ATF3: variants seen among roughly 807,000 people sequenced by gnomAD.
ATF3 encodes activating transcription factor 3.
A neutral mutation model predicts 18.4 loss-of-function variants in ATF3; 10 were observed. The ratio of observed to expected loss-of-function variants is 0.54; its 90% CI spans 0.34 to 0.92. The LOEUF is 0.92. Among genes scored for constraint, ATF3 ranks in the 40% least tolerant of loss-of-function variants. The pLI, the probability that ATF3 is intolerant of heterozygous loss-of-function variation, is 0.02. For missense variants in ATF3, 183 were observed against 222.3 expected, an observed-to-expected ratio of 0.82 and a Z score of 1.12; for synonymous variants, 78 against 87.9, an observed-to-expected ratio of 0.89 and a Z score of 0.63.
intron 1 of ATF3, among the ~76,000 whole-genome samples, chr1:212,595,678 C>T (rs1664979144): frequency 6.6e-6 from 1 of 152,172 alleles, no homozygotes; most frequent in Non-Finnish European, 1.5e-5. Context: ...AAGGTGCGTC[C>T]ACGGCTAGCC....
At chr1:212,587,985 C>A (rs1343109661) in intron 1 of ATF3, among the ~76,000 whole-genome samples, 4 of 152,030 alleles carry the variant, frequency 2.6e-5, no homozygotes, top group Non-Finnish European at 2.9e-5. Context: ...CCTCTGTAGA[C>A]CCCTGTGAGA....
intron 1 of ATF3, among the ~76,000 whole-genome samples, chr1:212,582,009 A>G (rs1490081850): frequency 6.6e-6 from 1 of 152,242 alleles, no homozygotes; most frequent in Non-Finnish European, 1.5e-5. Context: ...TGTGTGAAGA[A>G]TGCTTGAAAA....
At chr1:212,577,507 T>C (rs1449721288) in intron 1 of ATF3, among the ~76,000 whole-genome samples, 2 of 152,124 alleles carry the variant, frequency 1.3e-5, no homozygotes, top group African/African-American at 4.8e-5. Context: ...CTCAAACTTA[T>C]TCCTTCTAAC....
chr1:212,609,381 G>T (rs568775324), intron 1 of ATF3, among the ~76,000 whole-genome samples: 16 of 148,048 alleles, frequency 1.1e-4, no homozygotes, highest in East Asian at 2.0e-4. Flanking sequence ...CGGGTGGGGG[G>T]GGGGGGGCGC....
At chr1:212,572,687 A>G (rs187059033) in intron 1 of ATF3, among the ~76,000 whole-genome samples, 27 of 152,384 alleles carry the variant, frequency 1.8e-4, no homozygotes, top group African/African-American at 5.3e-4. Context: ...CTTCGTTGCC[A>G]TAAAGCTTAG....
At chr1:212,569,344 C>T (rs575997026) in intron 1 of ATF3, among the ~76,000 whole-genome samples, 3 of 152,298 alleles carry the variant, frequency 2.0e-5, no homozygotes, top group Non-Finnish European at 2.9e-5. Flanking sequence ...TTTCTGACTT[C>T]GAATTTTTAA....
In ATF3 at chr1:212,576,730, T is replaced by C. The variant is rs1441979342; in HGVS notation, c.-5+11247T>C. Among the ~76,000 whole-genome samples the C allele has an allele frequency of 9.0e-3, 1,147 of 127,168 alleles. 16 individuals are homozygous for C. The highest frequency in any genetic ancestry group is 0.033 in the African/African-American group (1,118 of 33,708). The allele number at this position is 127,168 out of a possible 152,430, so 83.4% of individuals were successfully genotyped here. A position where few individuals can be genotyped will look rare whatever the true frequency, so the allele number is the denominator to read the frequency against. Reference sequence around the variant, plus strand: ...TCTTTTCTTTTCTTTTCTTTTTTTTTTTTTTTTTTTTTTTTGAGGCAGAGT... The same window carrying C: ...TCTTTTCTTTTCTTTTCTTTTTTTTCTTTTTTTTTTTTTTTGAGGCAGAGT... On this transcript the variant is annotated intron_variant, in intron 1 of 3. Transcript: ENST00000366981.
In ATF3 at chr1:212,584,137, A is replaced by C. The variant is rs143265913; in HGVS notation, c.-5+18654A>C. ...TTCTTAAAGTCCCCCAAAGAGACCT[A>C]TGCTGCATACCACTTCTTGATTTCT... On this transcript the variant is annotated intron_variant, in intron 1 of 3. Transcript: ENST00000366981. 7.4e-3 allele frequency among the ~76,000 whole-genome samples: 1,123 copies of C among 152,204 alleles called. 11 individuals carry two copies. Among genetic ancestry groups the C allele is most frequent in the African/African-American group, 0.026 (1,066 of 41,518 alleles).
intron 1 of ATF3, among the ~76,000 whole-genome samples, chr1:212,578,619 C>G (rs960583702): frequency 1.2e-4 from 18 of 152,034 alleles, no homozygotes; most frequent in African/African-American, 4.1e-4. Flanking sequence ...TACCTTTAAC[C>G]GGGAGTAGAA....
At chr1:212,584,524 G>A (rs983572644) in intron 1 of ATF3, among the ~76,000 whole-genome samples, 6 of 152,238 alleles carry the variant, frequency 3.9e-5, no homozygotes, top group African/African-American at 1.2e-4. Flanking sequence ...TCAGGCAGGA[G>A]GAGTTACCTT....
At chr1:212,612,091 C>T (rs1425323315) in intron 1 of ATF3, among the ~76,000 whole-genome samples, 2 of 152,174 alleles carry the variant, frequency 1.3e-5, no homozygotes, top group East Asian at 3.8e-4. Context: ...GAAAGTATCC[C>T]GAGAAGTTAA....
upstream of ATF3, among the ~76,000 whole-genome samples, chr1:212,604,513 T>C (rs946146889): frequency 6.6e-6 from 1 of 152,132 alleles, no homozygotes; most frequent in African/African-American, 2.4e-5. Context: ...GGGGTGAAAA[T>C]TCTTGGAAGT....
At chr1:212,568,130 G>A (rs1018917468) in intron 1 of ATF3, among the ~76,000 whole-genome samples, 12 of 152,120 alleles carry the variant, frequency 7.9e-5, no homozygotes, top group South Asian at 2.1e-4. Flanking sequence ...AGCTATAAAC[G>A]CCAGAGCTCT....
chr1:212,605,788 T>C (rs963515671), upstream of ATF3, among the ~76,000 whole-genome samples: 1 of 152,158 alleles, frequency 6.6e-6, no homozygotes, highest in Admixed American at 6.5e-5. Flanking sequence ...AACTCTTATC[T>C]CACTCAGCAA....
At chr1:212,609,240 C>T (rs2102648634) in intron 1 of ATF3, among the ~76,000 whole-genome samples, 1 of 152,378 alleles carries the variant, frequency 6.6e-6, no homozygotes, top group Non-Finnish European at 1.5e-5. Flanking sequence ...CCGCCGACGG[C>T]GCTGGCTTGC....
intron 1 of ATF3, among the ~76,000 whole-genome samples, chr1:212,565,699 G>T (rs1396273067): frequency 6.6e-6 from 1 of 152,100 alleles, no homozygotes; most frequent in Non-Finnish European, 1.5e-5. Context: ...CTGGAGTTAG[G>T]GTGCTGCAGA....
At chr1:212,609,404 A>C (rs1654796645) in intron 1 of ATF3, among the ~76,000 whole-genome samples, 1 of 148,678 alleles carries the variant, frequency 6.7e-6, no homozygotes. Context: ...AGAGGCACGA[A>C]GGCCGGAGGC....
At position 212,619,618 on chromosome 1, in the gene ATF3, C is replaced by T; in HGVS notation, c.*63C>T. ...GAATCCTCATTTTATACCCAAAACC[C>T]TGAAGCCATTGGAGAGCTGTCTTCC... is the stretch of plus-strand genomic sequence containing the variant. On this transcript the variant is annotated 3_prime_UTR_variant, in exon 4 of 4. Transcript: ENST00000341491. The surrounding 1 kb of genome is among the most constrained non-coding windows in gnomAD (Gnocchi z 4.4). 6 of 1,588,972 alleles carry T rather than the reference C, an allele frequency of 3.8e-6. No homozygotes were observed. Among genetic ancestry groups the T allele is most frequent in the Non-Finnish European group, 5.1e-6 (6 of 1,166,184 alleles).
rs1655211578 is a variant in ATF3 at position 212,618,171 on chromosome 1, A to G, written c.285A>G (p.Arg95=). ...EDERKKRRRE[R]NKIAAAKCRN... is the part of the protein sequence containing the mutation. ...AAAGGAAAAAGAGGCGACGAGAAAG[A>G]AATAAGATTGCAGCTGCAAAGTGCC... Residue 95 remains arginine (R), a synonymous_variant, in exon 3 of 4, where the codon AGA becomes AGG. Coordinates refer to ENST00000341491, the MANE Select transcript of ATF3 (RefSeq NM_001674.4). The surrounding 1 kb of genome is among the most constrained non-coding windows in gnomAD (Gnocchi z 4.4). The G allele has an allele frequency of 6.2e-7, 1 of 1,614,186 alleles. No individual in the cohort carries two copies. The highest frequency in any genetic ancestry group is 2.2e-5 in the East Asian group (1 of 44,892).
Sources: allele counts gnomAD v4.1 joint callset (sites outside exome capture counted in the v4.1 genomes callset), GRCh38; gene constraint gnomAD v4.1.1; non-coding constraint Gnocchi (gnomAD v3.1); transcripts MANE v1.5; gene names NCBI Gene and HGNC (gene_info 2026-07-23, HGNC 2026-07-21).